Variants in KIAA1328 observed in about 807,000 individuals in gnomAD.
KIAA1328 encodes the protein protein hinderin.
In KIAA1328, 52 loss-of-function variants were observed where a neutral mutation model predicts 68.1. That is an observed-to-expected ratio of 0.76 (90% confidence interval 0.61 to 0.96). The LOEUF (loss-of-function observed/expected upper bound fraction) is 0.96, where lower values mean the gene tolerates loss of function less well. KIAA1328 is among the 40% of genes least tolerant of loss of function. The pLI is 0.00. For synonymous variants in KIAA1328, 232 were observed against 239.4 expected, an observed-to-expected ratio of 0.97 and a Z score of 0.28; for missense variants, 641 against 677.6, an observed-to-expected ratio of 0.95 and a Z score of 0.60.
chr18:37,039,832 G>A (rs1056820034), intron 6 of KIAA1328, among the ~76,000 whole-genome samples: 1 of 152,076 alleles, frequency 6.6e-6, no homozygotes, highest in Non-Finnish European at 1.5e-5. Flanking sequence ...TCTCCACTGG[G>A]GATACTACAG....
intron 4 of KIAA1328, among the ~76,000 whole-genome samples, chr18:36,848,395 T>A (rs557249445): frequency 9.9e-5 from 15 of 151,534 alleles, no homozygotes; most frequent in East Asian, 1.9e-4. Context: ...TAGATTTTTT[T>A]AACATATATT....
intron 7 of KIAA1328, among the ~76,000 whole-genome samples, chr18:37,152,439 C>G (rs2059056847): frequency 6.6e-6 from 1 of 152,098 alleles, no homozygotes; most frequent in South Asian, 2.1e-4. Flanking sequence ...TTTGTTCTCC[C>G]TAGTAGAAGG....
At chr18:37,095,807 A>T (rs2057388493) in intron 7 of KIAA1328, among the ~76,000 whole-genome samples, 1 of 152,226 alleles carries the variant, frequency 6.6e-6, no homozygotes, top group South Asian at 2.1e-4. Flanking sequence ...AATGAAAAAG[A>T]CATTACAACT....
chr18:36,848,864 G>A (rs184534600), intron 4 of KIAA1328, among the ~76,000 whole-genome samples: 1 of 151,364 alleles, frequency 6.6e-6, no homozygotes, highest in Admixed American at 6.6e-5. Flanking sequence ...TACATTGATT[G>A]ATTTTTGAAT....
intron 7 of KIAA1328, among the ~76,000 whole-genome samples, chr18:37,069,491 C>T (rs1016957884): frequency 1.3e-5 from 2 of 152,002 alleles, no homozygotes; most frequent in East Asian, 1.9e-4. Flanking sequence ...CCCCTGTGTC[C>T]TTGTCTTGTT....
intron 7 of KIAA1328, among the ~76,000 whole-genome samples, chr18:37,157,614 A>C (rs2059180119): frequency 6.6e-6 from 1 of 151,994 alleles, no homozygotes; most frequent in African/African-American, 2.4e-5. Context: ...GTTCAAGACC[A>C]GCCTGGCCAA....
intron 5 of KIAA1328, among the ~76,000 whole-genome samples, chr18:36,940,674 C>CTTTTTTT (rs1272164052): frequency 3.9e-5 from 5 of 127,696 alleles, no homozygotes; most frequent in African/African-American, 5.6e-5. Flanking sequence ...GCTCATTTTA[C>CTTTTTTT]TTTTTTTTTT....
intron 9 of KIAA1328, among the ~76,000 whole-genome samples, chr18:37,212,973 C>A (rs1355915868): frequency 2.0e-5 from 3 of 152,156 alleles, no homozygotes; most frequent in Non-Finnish European, 4.4e-5. Context: ...CCTGCCTCAG[C>A]CTCCCAAAGT....
At chr18:37,112,615 A>G (rs1422186548) in intron 7 of KIAA1328, among the ~76,000 whole-genome samples, 1 of 152,244 alleles carries the variant, frequency 6.6e-6, no homozygotes, top group African/African-American at 2.4e-5. Flanking sequence ...AAAGGAACGC[A>G]GGTCCTCACC....
intron 6 of KIAA1328, among the ~76,000 whole-genome samples, chr18:37,066,503 T>A (rs1205773535): frequency 1.4e-5 from 2 of 146,034 alleles, no homozygotes; most frequent in Non-Finnish European, 2.9e-5. Flanking sequence ...GTATTTAAAG[T>A]GACTGAATGG....
intron 5 of KIAA1328, among the ~76,000 whole-genome samples, chr18:36,938,221 G>A (rs1232769431): frequency 6.6e-6 from 1 of 152,132 alleles, no homozygotes; most frequent in Admixed American, 6.6e-5. Context: ...CGCAAGAACA[G>A]TTCACACAGG....
At chr18:37,178,951 G>C (rs2059647131) in intron 9 of KIAA1328, among the ~76,000 whole-genome samples, 1 of 152,074 alleles carries the variant, frequency 6.6e-6, no homozygotes, top group African/African-American at 2.4e-5. Context: ...AGTTGTTTGA[G>C]TTCCTTATAT....
At chr18:37,170,193 G>T (rs1050054781) in intron 8 of KIAA1328, among the ~76,000 whole-genome samples, 10 of 151,940 alleles carry the variant, frequency 6.6e-5, no homozygotes, top group African/African-American at 2.2e-4. Flanking sequence ...AGACCAGTTT[G>T]GTATTTTTTT....
At chr18:37,040,386 T>C (rs1359259682) in intron 6 of KIAA1328, among the ~76,000 whole-genome samples, 2 of 152,206 alleles carry the variant, frequency 1.3e-5, no homozygotes, top group African/African-American at 4.8e-5. Flanking sequence ...ATAGTATTTC[T>C]TTCAATTTCT....
intron 9 of KIAA1328, among the ~76,000 whole-genome samples, chr18:37,186,000 C>T (rs2059790054): frequency 2.0e-5 from 3 of 150,330 alleles, no homozygotes; most frequent in South Asian, 4.2e-4. Context: ...CAATTCTGAA[C>T]ATTCTTTCCC....
intron 7 of KIAA1328, among the ~76,000 whole-genome samples, chr18:37,095,991 A>G (rs910869854): frequency 2.6e-5 from 4 of 152,248 alleles, no homozygotes; most frequent in African/African-American, 9.6e-5. Flanking sequence ...TGAACCAGTA[A>G]TAAAAAGCCT....
At chr18:36,949,901 T>A (rs576771166) in intron 5 of KIAA1328, among the ~76,000 whole-genome samples, 17 of 152,318 alleles carry the variant, frequency 1.1e-4, no homozygotes. Context: ...ACACCGAATT[T>A]GCCATAAATT....
intron 7 of KIAA1328, among the ~76,000 whole-genome samples, chr18:37,154,027 A>G (rs906373469): frequency 6.6e-6 from 1 of 152,034 alleles, no homozygotes; most frequent in Non-Finnish European, 1.5e-5. Flanking sequence ...CAGGTGCCTT[A>G]GAGAATCCGT....
At chr18:37,002,034 G>A (rs2053602825) in intron 6 of KIAA1328, among the ~76,000 whole-genome samples, 1 of 151,946 alleles carries the variant, frequency 6.6e-6, no homozygotes, top group South Asian at 2.1e-4. Context: ...GAAATAAAAG[G>A]CATTCAAATT....
Sources: allele counts gnomAD v4.1 joint callset (sites outside exome capture counted in the v4.1 genomes callset), GRCh38; gene constraint gnomAD v4.1.1; transcripts MANE v1.5; gene names NCBI Gene and HGNC (gene_info 2026-07-23, HGNC 2026-07-21).